NIM1K: variants seen among roughly 807,000 people sequenced by gnomAD.
NIM1K encodes NIM1 serine/threonine protein kinase, also known as serine/threonine-protein kinase NIM1.
A neutral mutation model predicts 37.1 loss-of-function variants in NIM1K; 35 were observed. The observed-to-expected ratio is 0.94, with a 90% confidence interval of 0.72 to 1.25. NIM1K has a LOEUF of 1.25. Among genes scored for constraint, NIM1K ranks in the 50% most tolerant of loss-of-function variants. The pLI, the probability that NIM1K is intolerant of heterozygous loss-of-function variation, is 0.00. For synonymous variants in NIM1K, 234 were observed against 206.6 expected (o/e 1.13, Z -1.14); for missense variants, 564 against 548.0 (o/e 1.03, Z -0.29).
rs1753412977 is a variant in NIM1K at position 43,280,084 on chromosome 5, A to G, written c.666A>G (p.Lys222=). The G allele has an allele frequency of 1.2e-6, 2 of 1,614,204 alleles. No individual in the cohort carries two copies. Among genetic ancestry groups the G allele is most frequent in the Non-Finnish European group, 1.7e-6 (2 of 1,180,034 alleles). The part of the protein sequence containing the change: ...VGDFGFSTVS[K]KGEMLNTFCG... ...ATTTTGGATTCAGCACAGTAAGCAA[A>G]AAAGGTGAAATGCTGAACACTTTCT... Residue 222 remains lysine, a synonymous_variant, in exon 4 of 4, where the codon AAA becomes AAG. Coordinates refer to ENST00000326035, the MANE Select transcript of NIM1K (RefSeq NM_153361.4).
At chr5:43,278,434 G>A (rs144883384) in intron 3 of NIM1K, among the ~76,000 whole-genome samples, 435 of 152,294 alleles carry the variant, frequency 2.9e-3, no homozygotes, top group African/African-American at 9.4e-3. Flanking sequence ...CCAAGAACTG[G>A]CTGTTTTGCT....
chr5:43,206,354 G>T (rs1481878854), intron 1 of NIM1K, among the ~76,000 whole-genome samples: 1 of 149,880 alleles, frequency 6.7e-6, no homozygotes, highest in Non-Finnish European at 1.5e-5. Flanking sequence ...TTAAAAATTA[G>T]CCAGGAGGGG....
intron 1 of NIM1K, chr5:43,193,197 T>A (rs566397288): frequency 3.9e-5 from 6 of 152,284 alleles, no homozygotes; most frequent in Admixed American, 3.3e-4. Flanking sequence ...GCTTGACACA[T>A]CTTGGCAGAT....
intron 1 of NIM1K, among the ~76,000 whole-genome samples, chr5:43,213,153 CTTTCTTTCTTTT>C (rs768250430): frequency 0.25 from 14,362 of 57,436 alleles, 1,223 homozygotes; most frequent in East Asian, 0.43. Context: ...TCTCCATTTT[CTTTCTTTCTTTT>C]TTTCTTTCTT....
chr5:43,202,223 A>T (rs1423068353), intron 1 of NIM1K, among the ~76,000 whole-genome samples: 3 of 152,058 alleles, frequency 2.0e-5, no homozygotes, highest in Non-Finnish European at 4.4e-5. Context: ...TCCCTCTGTC[A>T]TGCAGACTGG....
At chr5:43,279,383 C>T (rs989611266) in intron 3 of NIM1K, among the ~76,000 whole-genome samples, 2 of 152,144 alleles carry the variant, frequency 1.3e-5, no homozygotes, top group Non-Finnish European at 2.9e-5. Flanking sequence ...AAACACAAAG[C>T]CATTTTCCAA....
intron 1 of NIM1K, among the ~76,000 whole-genome samples, chr5:43,211,645 G>C (rs4473775): frequency 0.98 from 148,779 of 152,216 alleles, 72,800 homozygotes; most frequent in Middle Eastern, 1. Flanking sequence ...ATATGGAGGG[G>C]GGTAAGTGGG....
intron 3 of NIM1K, among the ~76,000 whole-genome samples, chr5:43,278,571 C>A (rs376961772): frequency 6.6e-6 from 1 of 152,306 alleles, no homozygotes; most frequent in East Asian, 1.9e-4. Context: ...TTGAACGGAT[C>A]TGTCAGAAAA....
intron 1 of NIM1K, chr5:43,206,842 G>A (rs1240425338): frequency 1.0e-5 from 8 of 767,458 alleles, no homozygotes; most frequent in Non-Finnish European, 9.7e-6. Context: ...AAGGACCATG[G>A]CTATTTAGCA....
intron 2 of NIM1K, among the ~76,000 whole-genome samples, chr5:43,252,848 G>T (rs1373083318): frequency 6.6e-6 from 1 of 152,018 alleles, no homozygotes; most frequent in Non-Finnish European, 1.5e-5. Flanking sequence ...GCGAATGTGG[G>T]TGTTTTTTTC....
chr5:43,247,156 G>A (rs375066610), intron 2 of NIM1K, among the ~76,000 whole-genome samples: 16 of 151,768 alleles, frequency 1.1e-4, no homozygotes, highest in African/African-American at 1.7e-4. Context: ...CCTCCCCACC[G>A]CAACTGACCC....
chr5:43,197,071 C>G (rs1188207258), intron 1 of NIM1K, among the ~76,000 whole-genome samples: 4 of 150,894 alleles, frequency 2.7e-5, no homozygotes, highest in Non-Finnish European at 5.9e-5. Context: ...CAAGCATGAG[C>G]CACCATGCCT....
Position 43,251,017 on chromosome 5 carries a change from AT to A in NIM1K, c.292+4955del, listed in dbSNP as rs373906446. Reference sequence around the variant, plus strand: ...CCTCAGCTGTAAAATAGAGATAATGATTTTTAGAATTGTTGGGGAAATTGGA... The same window carrying A: ...CCTCAGCTGTAAAATAGAGATAATGATTTTAGAATTGTTGGGGAAATTGGA... On this transcript the variant is annotated intron_variant, in intron 2 of 3. Coordinates refer to ENST00000326035, the MANE Select transcript of NIM1K (RefSeq NM_153361.4). 1.4e-3 allele frequency among the ~76,000 whole-genome samples: 214 copies of A among 152,320 alleles called. 2 individuals carry two copies. Among genetic ancestry groups the A allele is most frequent in the African/African-American group, 4.9e-3 (204 of 41,576 alleles).
At chr5:43,259,048 T>C (rs1315371987) in intron 2 of NIM1K, among the ~76,000 whole-genome samples, 1 of 151,506 alleles carries the variant, frequency 6.6e-6, no homozygotes, top group African/African-American at 2.4e-5. Context: ...CTTGGAACAA[T>C]GGCCTCCAGC....
chr5:43,202,365 A>T (rs1359334567), intron 1 of NIM1K, among the ~76,000 whole-genome samples: 2 of 152,062 alleles, frequency 1.3e-5, no homozygotes, highest in Non-Finnish European at 2.9e-5. Flanking sequence ...TTTGTTTTAG[A>T]TATTTATTCA....
At chr5:43,212,782 A>G (rs1752222839) in intron 1 of NIM1K, among the ~76,000 whole-genome samples, 1 of 152,222 alleles carries the variant, frequency 6.6e-6, no homozygotes, top group African/African-American at 2.4e-5. Context: ...CTAGAGCACC[A>G]AAGACTCTGT....
intron 2 of NIM1K, among the ~76,000 whole-genome samples, chr5:43,268,307 G>T (rs1308717927): frequency 6.6e-6 from 1 of 152,194 alleles, no homozygotes; most frequent in Non-Finnish European, 1.5e-5. Flanking sequence ...CATGCCATGT[G>T]GTCAAACTAG....
chr5:43,232,570 A>G (rs748038735), intron 1 of NIM1K: 1 of 1,579,154 alleles, frequency 6.3e-7, no homozygotes, highest in Non-Finnish European at 8.6e-7. Context: ...TACCATGAAG[A>G]CACAATCAGA....
At chr5:43,214,649 AC>A (rs1026275333) in intron 1 of NIM1K, among the ~76,000 whole-genome samples, 1 of 151,860 alleles carries the variant, frequency 6.6e-6, no homozygotes, top group Non-Finnish European at 1.5e-5. Flanking sequence ...CCCCATCTCT[AC>A]TAAAAATACA....
Sources: allele counts gnomAD v4.1 joint callset (sites outside exome capture counted in the v4.1 genomes callset), GRCh38; gene constraint gnomAD v4.1.1; transcripts MANE v1.5; gene names NCBI Gene and HGNC (gene_info 2026-07-23, HGNC 2026-07-21).